Variants in FGF9 observed in about 807,000 individuals in gnomAD.
FGF9 encodes the protein fibroblast growth factor 9 (glia-activating factor).
A neutral mutation model predicts 19.9 loss-of-function variants in FGF9; 3 were observed. The ratio of observed to expected loss-of-function variants is 0.15; its 90% CI spans 0.07 to 0.39. The LOEUF (loss-of-function observed/expected upper bound fraction) is 0.39, where lower values mean the gene tolerates loss of function less well. FGF9 is among the 10% of genes least tolerant of loss of function. FGF9 has a pLI of 1.00. For synonymous variants in FGF9, 107 were observed against 106.9 expected, an observed-to-expected ratio of 1.00 and a Z score of -0.01; for missense variants, 175 against 256.8, an observed-to-expected ratio of 0.68 and a Z score of 2.18.
At chr13:21,682,430 C>G (rs1872062136) in intron 2 of FGF9, among the ~76,000 whole-genome samples, 1 of 152,032 alleles carries the variant, frequency 6.6e-6, no homozygotes, top group African/African-American at 2.4e-5. Context: ...AAGGGCAAAA[C>G]TTTTTCTAGA....
chr13:21,686,400 AAATT>A (rs1158452849), intron 2 of FGF9, among the ~76,000 whole-genome samples: 1 of 152,226 alleles, frequency 6.6e-6, no homozygotes, highest in Non-Finnish European at 1.5e-5. Flanking sequence ...TGCCATGAAA[AAATT>A]AATCTCCTTC....
At chr13:21,699,288 T>G (rs547942037) in intron 2 of FGF9, among the ~76,000 whole-genome samples, 9 of 152,242 alleles carry the variant, frequency 5.9e-5, no homozygotes, top group Non-Finnish European at 1.3e-4. Flanking sequence ...TCTGTCCCCA[T>G]GAACACAGCA....
chr13:21,672,317 T>G lies in FGF9; in HGVS notation c.277+128T>G. 5 of 1,044,378 alleles carry G rather than the reference T, an allele frequency of 4.8e-6. No individual in the cohort carries two copies. Among genetic ancestry groups the G allele is most frequent in the South Asian group, 1.3e-5 (1 of 77,162 alleles). The allele number at this position is 1,044,378 out of a possible 1,614,324, so 64.7% of individuals were successfully genotyped here. On this transcript the variant is annotated intron_variant, in intron 1 of 2. Transcript: ENST00000382353. The surrounding 1 kb of genome is among the most constrained non-coding windows in gnomAD (Gnocchi z 4.2). ...CTCCTCCCCTCTTTCTCTGTATCTC[T>G]GTCTCTCTCTCTCTCTGTCTTGCCA...
intron 2 of FGF9, among the ~76,000 whole-genome samples, chr13:21,698,613 T>C (rs983614415): frequency 6.6e-6 from 1 of 152,188 alleles, no homozygotes; most frequent in African/African-American, 2.4e-5. Context: ...AAACTCATTA[T>C]CTTCTGCTGG....
chr13:21,684,169 C>T (rs544492026), intron 2 of FGF9, among the ~76,000 whole-genome samples: 1 of 152,238 alleles, frequency 6.6e-6, no homozygotes, highest in Non-Finnish European at 1.5e-5. Flanking sequence ...TTCATTACAC[C>T]CCCAGTTCTA....
At chr13:21,673,046 C>CGGGG (rs1871806724) in intron 1 of FGF9, among the ~76,000 whole-genome samples, 1 of 152,184 alleles carries the variant, frequency 6.6e-6, no homozygotes, top group South Asian at 2.1e-4. Flanking sequence ...GTGGCTCTGC[C>CGGGG]CACTTTATGC....
In FGF9 at chr13:21,701,952, A is replaced by G. The variant is rs1465438433; in HGVS notation, c.*517A>G. 6.6e-6 allele frequency: 1 copy of G among 152,642 alleles called. No homozygotes were observed. 9.5% of individuals were successfully genotyped at this position (152,642 alleles called of 1,614,324 possible). On this transcript the variant is annotated 3_prime_UTR_variant, in exon 3 of 3. Coordinates refer to ENST00000382353, the MANE Select transcript of FGF9 (RefSeq NM_002010.3). ...CTTTCAGTTAATTCTCACTGGTATC[A>G]TCGCAGTGAACTTAAAGCAAAGACC...
chr13:21,671,739 A>C lies in FGF9; in HGVS notation c.-174A>C. On this transcript the variant is annotated 5_prime_UTR_variant, in exon 1 of 3. Transcript: ENST00000382353. ...TTTGACCTTGAACCTGTGCCAGTGA[A>C]ACAGCAGATTACTTTTATTTATGCA... The C allele has an allele frequency of 1.4e-6, 1 of 713,116 alleles. No individual in the cohort carries two copies. The highest frequency in any genetic ancestry group is 1.8e-5 in the South Asian group (1 of 55,524). 44.2% of individuals were successfully genotyped at this position (713,116 alleles called of 1,614,324 possible). A position where few individuals can be genotyped will look rare whatever the true frequency, so the allele number is the denominator to read the frequency against.
rs898599745 is a variant in FGF9, at chr13:21,703,428, A to G, written c.*1993A>G. ...TAAGTCTAATATTTGGAATTAAGATATATTTTAGGGGGAGGGGACAGAAGC... is the reference window on the plus strand; with the variant it reads ...TAAGTCTAATATTTGGAATTAAGATGTATTTTAGGGGGAGGGGACAGAAGC... On this transcript the variant is annotated 3_prime_UTR_variant, in exon 3 of 3. Coordinates refer to ENST00000382353, the MANE Select transcript of FGF9 (RefSeq NM_002010.3). 6.6e-6 allele frequency: 1 copy of G among 152,210 alleles called. No homozygotes were observed. Among genetic ancestry groups the G allele is most frequent in the Non-Finnish European group, 1.5e-5 (1 of 68,026 alleles). The allele number at this position is 152,210 out of a possible 1,614,324, so 9.4% of individuals were successfully genotyped here. A position where few individuals can be genotyped will look rare whatever the true frequency, so the allele number is the denominator to read the frequency against.
intron 2 of FGF9, among the ~76,000 whole-genome samples, chr13:21,685,195 AT>A (rs943399098): frequency 2.1e-4 from 32 of 151,210 alleles, no homozygotes; most frequent in African/African-American, 5.3e-4. Context: ...TAAATTGGAG[AT>A]TTTTTTTTTC....
rs1360556798 is a variant in FGF9, at chr13:21,703,686, A to G, written c.*2251A>G. Reference sequence around the variant, plus strand: ...AACATTTGACCACAGGGAAGAATCAAGTTTCTAGGATGTCATAGGTATACT... The same window carrying G: ...AACATTTGACCACAGGGAAGAATCAGGTTTCTAGGATGTCATAGGTATACT... On this transcript the variant is annotated 3_prime_UTR_variant, in exon 3 of 3. Transcript: ENST00000382353. 6.6e-6 allele frequency: 1 copy of G among 152,110 alleles called. No individual in the cohort carries two copies. Among genetic ancestry groups the G allele is most frequent in the Non-Finnish European group, 1.5e-5 (1 of 68,018 alleles). 9.4% of individuals were successfully genotyped at this position (152,110 alleles called of 1,614,324 possible).
At chr13:21,673,401 C>T (rs1367902891) in intron 1 of FGF9, among the ~76,000 whole-genome samples, 1 of 152,086 alleles carries the variant, frequency 6.6e-6, no homozygotes, top group Non-Finnish European at 1.5e-5. Context: ...CCCAGATCCA[C>T]GAGGCCCAGG....
At chr13:21,673,803 A>G (rs539140542) in intron 1 of FGF9, among the ~76,000 whole-genome samples, 3 of 150,936 alleles carry the variant, frequency 2.0e-5, no homozygotes, top group East Asian at 3.9e-4. Flanking sequence ...TAGGTGTGCC[A>G]GGCGGCCGGA....
In FGF9 at chr13:21,671,181, G is replaced by T. The variant is rs1011831301; in HGVS notation, c.-732G>T. 6.6e-6 allele frequency among the ~76,000 whole-genome samples: 1 copy of T among 152,250 alleles called. No individual in the cohort carries two copies. The highest frequency in any genetic ancestry group is 1.5e-5 in the Non-Finnish European group (1 of 68,036). On this transcript the variant is annotated 5_prime_UTR_variant, in exon 1 of 3. Transcript: ENST00000382353. ...GTTCGCGGCAGCCTGGGCGGCACGC[G>T]AGCTCCCGGACGCGGCTCTCCTCGC... is the stretch of plus-strand genomic sequence containing the variant.
intron 1 of FGF9, among the ~76,000 whole-genome samples, chr13:21,677,433 C>A (rs1871943934): frequency 6.6e-6 from 1 of 152,330 alleles, no homozygotes; most frequent in African/African-American, 2.4e-5. Context: ...CCAGCCCCCT[C>A]TGCTGCCCAG....
chr13:21,697,901 G>C (rs1322970556), intron 2 of FGF9, among the ~76,000 whole-genome samples: 35 of 150,450 alleles, frequency 2.3e-4, no homozygotes, highest in Admixed American at 2.2e-3. Context: ...CCGCCCTCCC[G>C]GGTTCACGCC....
rs548688391 is a variant in FGF9 at position 21,675,115 on chromosome 13, G to C, written c.277+2926G>C. ...GCCCAGGTTGGGGACTGGGGGCGCC[G>C]AGCCGCTAGCTAGCCCGTCGGCCTG... On this transcript the variant is annotated intron_variant, in intron 1 of 2. Transcript: ENST00000382353. Among the ~76,000 whole-genome samples, 740 of 151,978 alleles carry C rather than the reference G, an allele frequency of 4.9e-3. 5 individuals are homozygous for C. The highest frequency in any genetic ancestry group is 0.031 in the Middle Eastern group (9 of 292).
intron 2 of FGF9, among the ~76,000 whole-genome samples, chr13:21,684,594 G>T (rs1284146066): frequency 6.6e-6 from 1 of 152,052 alleles, no homozygotes; most frequent in Non-Finnish European, 1.5e-5. Flanking sequence ...GGCCTGAGGG[G>T]GAATGAGGCT....
At chr13:21,674,893 C>A (rs1434000842) in intron 1 of FGF9, among the ~76,000 whole-genome samples, 1 of 151,514 alleles carries the variant, frequency 6.6e-6, no homozygotes, top group Non-Finnish European at 1.5e-5. Flanking sequence ...GCTACAGTGG[C>A]TCAATAGAAA....
Sources: allele counts gnomAD v4.1 joint callset (sites outside exome capture counted in the v4.1 genomes callset), GRCh38; gene constraint gnomAD v4.1.1; non-coding constraint Gnocchi (gnomAD v3.1); transcripts MANE v1.5; gene names NCBI Gene and HGNC (gene_info 2026-07-23, HGNC 2026-07-21).